The following CNTNAP2 variants were observed in gnomAD, a reference collection of about 807,000 sequenced individuals.
CNTNAP2 encodes contactin associated protein 2.
In CNTNAP2, 98 loss-of-function variants were observed where a neutral mutation model predicts 155.2. The ratio of observed to expected loss-of-function variants is 0.63; its 90% CI spans 0.54 to 0.75. CNTNAP2 has a LOEUF of 0.75. Ranked by LOEUF, CNTNAP2 falls within the 30% of genes least tolerant of loss-of-function variation. CNTNAP2 has a pLI of 0.00. For missense variants in CNTNAP2, 1,727 were observed against 1,688.1 expected (o/e 1.02, Z -0.40); for synonymous variants, 651 against 631.2 (o/e 1.03, Z -0.47).
rs146397749 is a variant in CNTNAP2, at chr7:146,877,636, T to A, written c.402+37732T>A. The stretch of plus-strand genomic sequence containing the variant: ...ATATATGTGTGTGTATGTATGTATG[T>A]GTGTATATATGTGTATATGTACATA... On this transcript the variant is annotated intron_variant, in intron 3 of 23. Coordinates refer to ENST00000361727, the MANE Select transcript of CNTNAP2 (RefSeq NM_014141.6). Among the ~76,000 whole-genome samples, 1,280 of 151,824 alleles carry A rather than the reference T, an allele frequency of 8.4e-3. 14 individuals are homozygous for A. Among genetic ancestry groups the A allele is most frequent in the African/African-American group, 0.029 (1,186 of 41,418 alleles).
chr7:148,015,472 C>T (rs543644941), intron 15 of CNTNAP2, among the ~76,000 whole-genome samples: 3 of 152,316 alleles, frequency 2.0e-5, no homozygotes, highest in Non-Finnish European at 4.4e-5. Flanking sequence ...GGAAGGCGGG[C>T]ATCGGCGAGA....
chr7:148,099,320 A>G (rs1224060336), intron 15 of CNTNAP2, among the ~76,000 whole-genome samples: 1 of 152,164 alleles, frequency 6.6e-6, no homozygotes, highest in East Asian at 1.9e-4. Flanking sequence ...AGCTACATTT[A>G]TTAATAACTC....
chr7:147,358,430 T>C (rs988555534), intron 9 of CNTNAP2, among the ~76,000 whole-genome samples: 11 of 152,160 alleles, frequency 7.2e-5, no homozygotes, highest in Admixed American at 3.9e-4. Flanking sequence ...ACAGAAATAC[T>C]TATTTGTAAA....
chr7:147,435,693 G>T (rs534454959), intron 10 of CNTNAP2, among the ~76,000 whole-genome samples: 1 of 152,142 alleles, frequency 6.6e-6, no homozygotes, highest in Non-Finnish European at 1.5e-5. Flanking sequence ...GTTGGGTGTG[G>T]TGCCGAGCTC....
intron 22 of CNTNAP2, among the ~76,000 whole-genome samples, chr7:148,392,896 A>G (rs532597950): frequency 2.9e-4 from 23 of 80,584 alleles, no homozygotes; most frequent in African/African-American, 9.8e-4. Context: ...AGACTTGAGT[A>G]TACCCAGCAC....
intron 13 of CNTNAP2, among the ~76,000 whole-genome samples, chr7:147,761,680 A>G (rs2116519591): frequency 6.6e-6 from 1 of 152,322 alleles, no homozygotes; most frequent in African/African-American, 2.4e-5. Context: ...ACCATAAGTT[A>G]TATCTTATCA....
rs146430299 is a variant in CNTNAP2, at chr7:148,226,803, A to G, written c.3248-2843A>G. ...GAACTATGCCAATGTATAAAACCCCAAATCAAGGGCCAAACAGGGCACTTG... is the reference window on the plus strand; with the variant it reads ...GAACTATGCCAATGTATAAAACCCCGAATCAAGGGCCAAACAGGGCACTTG... On this transcript the variant is annotated intron_variant, in intron 19 of 23. Coordinates refer to ENST00000361727, the MANE Select transcript of CNTNAP2 (RefSeq NM_014141.6). Among the ~76,000 whole-genome samples the G allele has an allele frequency of 5.1e-3, 770 of 152,322 alleles. 29 individuals are homozygous for G. The East Asian group carries it at 0.094, about 19-fold the overall frequency.
chr7:147,632,219 G>T (rs556899525), intron 12 of CNTNAP2, among the ~76,000 whole-genome samples: 1 of 152,276 alleles, frequency 6.6e-6, no homozygotes, highest in South Asian at 2.1e-4. Context: ...ACAAACATAT[G>T]AAAACATGCC....
At chr7:147,129,293 A>G (rs1801301588) in intron 7 of CNTNAP2, among the ~76,000 whole-genome samples, 1 of 152,214 alleles carries the variant, frequency 6.6e-6, no homozygotes, top group Non-Finnish European at 1.5e-5. Context: ...ATGTAAATAA[A>G]TACACTTTTT....
At chr7:147,487,244 A>T (rs1798525759) in intron 11 of CNTNAP2, among the ~76,000 whole-genome samples, 1 of 152,234 alleles carries the variant, frequency 6.6e-6, no homozygotes, top group Non-Finnish European at 1.5e-5. Flanking sequence ...AATCTTGACA[A>T]AACTAACAAT....
chr7:146,645,522 G>T (rs904661835), intron 1 of CNTNAP2, among the ~76,000 whole-genome samples: 1 of 152,138 alleles, frequency 6.6e-6, no homozygotes, highest in African/African-American at 2.4e-5. Flanking sequence ...GAACATCCCT[G>T]TGGGTATGAA....
At chr7:146,791,145 G>C (rs1802667311) in intron 2 of CNTNAP2, among the ~76,000 whole-genome samples, 1 of 150,410 alleles carries the variant, frequency 6.6e-6, no homozygotes, top group Admixed American at 6.7e-5. Flanking sequence ...CTGTGTCCAT[G>C]TGTTCTCATT....
chr7:146,938,641 A>G (rs973220845), intron 3 of CNTNAP2, among the ~76,000 whole-genome samples: 8 of 152,018 alleles, frequency 5.3e-5, no homozygotes, highest in African/African-American at 1.9e-4. Flanking sequence ...TTATGTTTAT[A>G]ATTTTTATTC....
chr7:148,032,233 C>T (rs1802491379), intron 15 of CNTNAP2, among the ~76,000 whole-genome samples: 2 of 152,112 alleles, frequency 1.3e-5, no homozygotes, highest in South Asian at 2.1e-4. Flanking sequence ...ATTGACAGTC[C>T]ATCTATGTCT....
intron 18 of CNTNAP2, among the ~76,000 whole-genome samples, chr7:148,175,855 C>G (rs1213654726): frequency 6.6e-6 from 1 of 152,088 alleles, no homozygotes; most frequent in African/African-American, 2.4e-5. Flanking sequence ...TCCTCCTTAT[C>G]ATCCTCCTCT....
chr7:146,855,602 T>C (rs1794963011), intron 3 of CNTNAP2, among the ~76,000 whole-genome samples: 1 of 151,650 alleles, frequency 6.6e-6, no homozygotes, highest in Non-Finnish European at 1.5e-5. Context: ...ATGTTAACTT[T>C]TGTTTAAGAA....
chr7:147,749,122 A>G (rs1327727764), intron 13 of CNTNAP2, among the ~76,000 whole-genome samples: 1 of 152,228 alleles, frequency 6.6e-6, no homozygotes. Flanking sequence ...AAAAGTCAAA[A>G]GAATAAAATA....
intron 1 of CNTNAP2, among the ~76,000 whole-genome samples, chr7:146,187,192 T>C (rs1798636272): frequency 6.6e-6 from 1 of 152,152 alleles, no homozygotes; most frequent in Non-Finnish European, 1.5e-5. Flanking sequence ...ACTCAGAATA[T>C]CATCCCACCC....
intron 1 of CNTNAP2, among the ~76,000 whole-genome samples, chr7:146,692,849 C>T (rs1333904394): frequency 1.3e-5 from 2 of 152,038 alleles, no homozygotes. Flanking sequence ...AATATTAATA[C>T]TACTGATGCT....
Sources: gnomAD v4.1 joint callset for allele counts (sites outside exome capture counted in the v4.1 genomes callset) on GRCh38, gnomAD v4.1.1 for gene constraint, MANE v1.5 for transcripts, NCBI Gene and HGNC (gene_info 2026-07-23, HGNC 2026-07-21) for gene names.